Variants in C1GALT1 observed in about 807,000 individuals in gnomAD.
The protein encoded by C1GALT1 is core 1 synthase, glycoprotein-N-acetylgalactosamine 3-beta-galactosyltransferase 1, also known as glycoprotein-N-acetylgalactosamine 3-beta-galactosyltransferase 1.
In C1GALT1, 11 loss-of-function variants were observed where a neutral mutation model predicts 31.0. The ratio of observed to expected loss-of-function variants is 0.36; its 90% CI spans 0.22 to 0.59. The LOEUF is 0.59. Among genes scored for constraint, C1GALT1 ranks in the 20% least tolerant of loss-of-function variants. The pLI is 0.79. For missense variants in C1GALT1, 424 were observed against 425.2 expected (o/e 1.00, Z 0.03); for synonymous variants, 175 against 143.6 (o/e 1.22, Z -1.56).
intron 3 of C1GALT1, among the ~76,000 whole-genome samples, chr7:7,242,014 T>C (rs1161136393): frequency 6.6e-6 from 1 of 151,996 alleles, no homozygotes; most frequent in Non-Finnish European, 1.5e-5. Context: ...TCCTTAAGTT[T>C]AATATGCACT....
At chr7:7,199,122 TG>T (rs1230321707) in intron 1 of C1GALT1, among the ~76,000 whole-genome samples, 3 of 152,232 alleles carry the variant, frequency 2.0e-5, no homozygotes, top group African/African-American at 7.2e-5. Flanking sequence ...CTTTTAATTG[TG>T]ATGTCAGGGT....
intron 2 of C1GALT1, among the ~76,000 whole-genome samples, chr7:7,158,991 G>A (rs536654910): frequency 3.9e-5 from 6 of 152,130 alleles, no homozygotes; most frequent in Non-Finnish European, 8.8e-5. Flanking sequence ...AAACTATTAA[G>A]GGGTTCAGGG....
intron 1 of C1GALT1, among the ~76,000 whole-genome samples, chr7:7,216,216 C>T (rs1490389713): frequency 1.3e-5 from 2 of 152,092 alleles, no homozygotes; most frequent in Non-Finnish European, 2.9e-5. Flanking sequence ...GAAAAAGAAG[C>T]GAGAATAAAA....
chr7:7,204,694 A>G (rs1000570250), intron 1 of C1GALT1, among the ~76,000 whole-genome samples: 2 of 152,074 alleles, frequency 1.3e-5, no homozygotes, highest in Admixed American at 6.5e-5. Flanking sequence ...AATAACTATA[A>G]ATGTCTTCCT....
intron 2 of C1GALT1, among the ~76,000 whole-genome samples, chr7:7,171,652 C>T (rs112834497): frequency 2.0e-5 from 3 of 151,850 alleles, no homozygotes; most frequent in African/African-American, 7.2e-5. Context: ...TACTTTTTTC[C>T]TCTCTTATTT....
upstream of C1GALT1, among the ~76,000 whole-genome samples, chr7:7,177,606 A>T (rs1780518731): frequency 6.6e-6 from 1 of 152,216 alleles, no homozygotes. Flanking sequence ...AGGCTCATAA[A>T]ATGAGACCTG....
chr7:7,226,915 A>AGT (rs200462822), intron 1 of C1GALT1, among the ~76,000 whole-genome samples: 1 of 152,064 alleles, frequency 6.6e-6, no homozygotes, highest in East Asian at 1.9e-4. Context: ...TGGCAGAGGG[A>AGT]GTGTGTGTGT....
chr7:7,176,869 C>T (rs1780510942), intron 2 of C1GALT1, among the ~76,000 whole-genome samples: 1 of 152,166 alleles, frequency 6.6e-6, no homozygotes, highest in Non-Finnish European at 1.5e-5. Flanking sequence ...CAGGTATTTT[C>T]AATAGGAGAC....
At chr7:7,184,698 A>G (rs949438241) in intron 1 of C1GALT1, among the ~76,000 whole-genome samples, 1 of 152,224 alleles carries the variant, frequency 6.6e-6, no homozygotes, top group East Asian at 1.9e-4. Flanking sequence ...GTGCAGCTAT[A>G]AATAAACCTT....
At chr7:7,234,836 T>C (rs901910506) in intron 2 of C1GALT1, 1 of 202,662 alleles carries the variant, frequency 4.9e-6, no homozygotes, top group Admixed American at 5.7e-5. Context: ...TTTTGTTATA[T>C]GTGTGTCTTT....
intron 1 of C1GALT1, among the ~76,000 whole-genome samples, chr7:7,198,855 G>T (rs1467438405): frequency 3.9e-5 from 6 of 152,148 alleles, no homozygotes; most frequent in Non-Finnish European, 8.8e-5. Context: ...ATGGTAGTTT[G>T]TATTTCTGTG....
intron 1 of C1GALT1, among the ~76,000 whole-genome samples, chr7:7,216,525 C>T (rs1035424737): frequency 2.6e-5 from 2 of 75,834 alleles, no homozygotes; most frequent in African/African-American, 1.4e-4. Flanking sequence ...TCTGGAGAGG[C>T]TGTCACCTTT....
rs570271751 is a variant in C1GALT1 at position 7,240,550 on chromosome 7, C to A, written c.888+1628C>A. On this transcript the variant is annotated intron_variant, in intron 3 of 3. Transcript: ENST00000436587. ...CCCATATAAAAAATTTACCCAAATT[C>A]AAGAATATAAACATGTAGCAAATAC... Among the ~76,000 whole-genome samples, 93 of 152,150 alleles carry A rather than the reference C, an allele frequency of 6.1e-4. 2 individuals carry two copies. The South Asian group carries it at 0.012, about 19-fold the overall frequency.
intron 1 of C1GALT1, among the ~76,000 whole-genome samples, chr7:7,185,577 A>G (rs566645508): frequency 1.7e-4 from 26 of 152,238 alleles, no homozygotes; most frequent in African/African-American, 3.1e-4. Flanking sequence ...GCTTGCAGCT[A>G]TGTCACTCCA....
chr7:7,236,553 G>A (rs902003410), intron 2 of C1GALT1, among the ~76,000 whole-genome samples: 2 of 151,930 alleles, frequency 1.3e-5, no homozygotes, highest in Admixed American at 6.6e-5. Flanking sequence ...ATGGAGTCTC[G>A]CTCTGTCACC....
intron 2 of C1GALT1, among the ~76,000 whole-genome samples, chr7:7,237,477 T>TCAGAACCAA (rs1211290234): frequency 5.9e-5 from 9 of 152,234 alleles, no homozygotes; most frequent in African/African-American, 1.9e-4. Flanking sequence ...GTAGGCCTTT[T>TCAGAACCAA]TCAAAGTAAT....
rs1781821961 is a variant in C1GALT1, at chr7:7,207,870, T to C, written c.-18+25050T>C. On this transcript the variant is annotated intron_variant, in intron 1 of 3. Transcript: ENST00000436587. ...TACAATTAAGGTATTTTCAGGTCTT[T>C]TCTGTGCCTGTGCCTTAAGCTGGAT... Among the ~76,000 whole-genome samples the C allele has an allele frequency of 2.0e-5, 3 of 152,278 alleles. No homozygotes were observed. In the South Asian group the frequency reaches 6.2e-4, roughly 32 times the overall value.
chr7:7,220,845 A>G (rs1019429533), intron 1 of C1GALT1, among the ~76,000 whole-genome samples: 3 of 152,136 alleles, frequency 2.0e-5, no homozygotes, highest in African/African-American at 7.2e-5. Context: ...CACTTGTTGC[A>G]TAGTTTGAGT....
chr7:7,182,676 GAAT>G lies in C1GALT1; in HGVS notation c.-158_-156del. On this transcript the variant is annotated 5_prime_UTR_variant, in exon 1 of 4. Transcript: ENST00000436587. The stretch of plus-strand genomic sequence containing the variant: ...CCGCCGCTGTGCTGCCGCTGCCGGG[GAAT>G]AATCTGGGCGGCAGCGGGCGGCCTC... 2.2e-6 allele frequency: 1 copy of G among 455,908 alleles called. No individual in the cohort carries two copies. Among genetic ancestry groups the G allele is most frequent in the Non-Finnish European group, 2.9e-6 (1 of 345,672 alleles). The allele number at this position is 455,908 out of a possible 1,614,324, so 28.2% of individuals were successfully genotyped here.
Sources: allele counts gnomAD v4.1 joint callset (sites outside exome capture counted in the v4.1 genomes callset), GRCh38; gene constraint gnomAD v4.1.1; transcripts MANE v1.5; gene names NCBI Gene and HGNC (gene_info 2026-07-23, HGNC 2026-07-21).